CDH13: variants seen among roughly 807,000 people sequenced by gnomAD.
The protein encoded by CDH13 is cadherin-13.
In CDH13, 24 loss-of-function variants were observed where a neutral mutation model predicts 63.8. That is an observed-to-expected ratio of 0.38 (90% CI 0.27 to 0.53). The LOEUF (loss-of-function observed/expected upper bound fraction) is 0.53. Among genes scored for constraint, CDH13 ranks in the 20% least tolerant of loss-of-function variants. The pLI, the probability that CDH13 is intolerant of heterozygous loss-of-function variation, is 0.85. For synonymous variants in CDH13, 503 were observed against 355.3 expected (o/e 1.42, Z -4.67); for missense variants, 1,049 against 903.1 (o/e 1.16, Z -2.07).
At chr16:82,711,615 G>C (rs1597381297) in intron 1 of CDH13, among the ~76,000 whole-genome samples, 2 of 152,336 alleles carry the variant, frequency 1.3e-5, no homozygotes, top group South Asian at 4.1e-4. Context: ...GAGATCCAGA[G>C]ACATTGAGGG....
chr16:82,823,908 C>T (rs900784053), intron 1 of CDH13: 23 of 151,946 alleles, frequency 1.5e-4, no homozygotes, highest in African/African-American at 5.6e-4. Flanking sequence ...ACTAAAAAGC[C>T]CTAGAAACAG....
chr16:82,996,210 C>A (rs1912185238), intron 2 of CDH13, among the ~76,000 whole-genome samples: 1 of 151,838 alleles, frequency 6.6e-6, no homozygotes, highest in African/African-American at 2.4e-5. Flanking sequence ...CATTATGTTC[C>A]TTTCCTGTTG....
intron 1 of CDH13, chr16:82,704,930 C>A: frequency 6.1e-6 from 2 of 328,736 alleles, no homozygotes; most frequent in South Asian, 2.5e-5. Context: ...CAAATCAAGC[C>A]CGGGATATTG....
intron 1 of CDH13, among the ~76,000 whole-genome samples, chr16:82,762,061 T>C (rs971232865): frequency 1.3e-5 from 2 of 152,222 alleles, no homozygotes; most frequent in Admixed American, 1.3e-4. Context: ...AGCTGGAAAG[T>C]GAAACCACAA....
chr16:82,940,656 A>T (rs1295058732), intron 2 of CDH13, among the ~76,000 whole-genome samples: 3 of 152,160 alleles, frequency 2.0e-5, no homozygotes, highest in South Asian at 4.1e-4. Flanking sequence ...ATCAGCGTCT[A>T]CGTTTGTTTT....
intron 2 of CDH13, among the ~76,000 whole-genome samples, chr16:83,015,677 G>GTGTATATATATA (rs1280924836): frequency 2.1e-4 from 8 of 37,560 alleles, no homozygotes; most frequent in East Asian, 1.9e-3. Flanking sequence ...GTGTGTGTAT[G>GTGTATATATATA]TATATATATA....
At chr16:83,309,741 C>T (rs1433386909) in intron 5 of CDH13, among the ~76,000 whole-genome samples, 1 of 152,200 alleles carries the variant, frequency 6.6e-6, no homozygotes, top group Non-Finnish European at 1.5e-5. Flanking sequence ...GGTATGGAAG[C>T]ACTCATGAGG....
intron 3 of CDH13, among the ~76,000 whole-genome samples, chr16:83,060,512 A>G (rs1035079107): frequency 3.3e-5 from 5 of 151,982 alleles, no homozygotes; most frequent in African/African-American, 1.2e-4. Flanking sequence ...CCCTCCATTA[A>G]CTCATGTCAT....
At chr16:83,500,677 A>G (rs1263946458) in intron 7 of CDH13, among the ~76,000 whole-genome samples, 2 of 144,798 alleles carry the variant, frequency 1.4e-5, no homozygotes, top group East Asian at 4.1e-4. Context: ...GATTCAAGCA[A>G]TTCTCGCACC....
chr16:83,027,040 C>A lies in CDH13; in HGVS notation c.158-4970C>A, dbSNP rs142239074. 2.6e-5 allele frequency among the ~76,000 whole-genome samples: 4 copies of A among 151,592 alleles called. No individual in the cohort carries two copies. In the East Asian group the frequency reaches 7.8e-4, roughly 30 times the overall value. ...GTTCAATGAAATCAAGAGGTCACTA[C>A]GGGCCTCTTATCCCAATTCACAGCC... On this transcript the variant is annotated intron_variant, in intron 2 of 13. Coordinates refer to ENST00000567109, the MANE Select transcript of CDH13 (RefSeq NM_001257.5).
In CDH13 at chr16:83,307,191, G is replaced by A. The variant is rs184464559; in HGVS notation, c.637-37671G>A. On this transcript the variant is annotated intron_variant, in intron 5 of 13. Transcript: ENST00000567109. ...GTGGTAACGCCTGTTCCCTACCCCCGTGGCTGAGGAACACCAGCCCTGCCC... is the reference window on the plus strand; with the variant it reads ...GTGGTAACGCCTGTTCCCTACCCCCATGGCTGAGGAACACCAGCCCTGCCC... Among the ~76,000 whole-genome samples the A allele has an allele frequency of 4.4e-3, 677 of 152,280 alleles. 5 individuals carry two copies. The highest frequency in any genetic ancestry group is 0.015 in the African/African-American group (631 of 41,556).
intron 9 of CDH13, among the ~76,000 whole-genome samples, chr16:83,671,587 T>G (rs1268458018): frequency 6.6e-6 from 1 of 152,206 alleles, no homozygotes; most frequent in Non-Finnish European, 1.5e-5. Flanking sequence ...ATACATTTGC[T>G]AAGGAATTAT....
intron 6 of CDH13, among the ~76,000 whole-genome samples, chr16:83,431,747 T>G (rs955971636): frequency 2.0e-5 from 3 of 152,092 alleles, no homozygotes; most frequent in African/African-American, 7.2e-5. Context: ...CTCACTCTCA[T>G]GAGGATAGCA....
At chr16:83,582,517 GC>G (rs1022874584) in intron 7 of CDH13, among the ~76,000 whole-genome samples, 4 of 152,090 alleles carry the variant, frequency 2.6e-5, no homozygotes, top group African/African-American at 9.7e-5. Flanking sequence ...AGAAAGCAAA[GC>G]AGGCTTCCCA....
At chr16:83,355,911 G>C (rs1304025375) in intron 6 of CDH13, among the ~76,000 whole-genome samples, 1 of 152,154 alleles carries the variant, frequency 6.6e-6, no homozygotes, top group East Asian at 1.9e-4. Context: ...CTGGATACTG[G>C]TCCAGGTTCC....
At chr16:83,225,301 C>G (rs147517934) in intron 5 of CDH13, among the ~76,000 whole-genome samples, 6 of 152,176 alleles carry the variant, frequency 3.9e-5, no homozygotes, top group African/African-American at 1.4e-4. Flanking sequence ...ACATGTGCCT[C>G]AACTGTGCTT....
intron 8 of CDH13, among the ~76,000 whole-genome samples, chr16:83,656,717 G>A (rs1403953286): frequency 6.6e-6 from 1 of 152,182 alleles, no homozygotes; most frequent in Admixed American, 6.5e-5. Flanking sequence ...ACAGAGAATC[G>A]TGGTCTTTGC....
intron 4 of CDH13, among the ~76,000 whole-genome samples, chr16:83,153,583 T>A (rs917190372): frequency 6.6e-6 from 1 of 152,348 alleles, no homozygotes; most frequent in South Asian, 2.1e-4. Flanking sequence ...TGCCCAGGAA[T>A]GAACAGGGAC....
At chr16:83,010,037 A>T (rs1913960760) in intron 2 of CDH13, among the ~76,000 whole-genome samples, 1 of 150,302 alleles carries the variant, frequency 6.7e-6, no homozygotes, top group African/African-American at 2.5e-5. Context: ...CAGGAGGCTG[A>T]GGCAGGAGAA....
Sources: gnomAD v4.1 joint callset for allele counts (sites outside exome capture counted in the v4.1 genomes callset) on GRCh38, gnomAD v4.1.1 for gene constraint, MANE v1.5 for transcripts, NCBI Gene and HGNC (gene_info 2026-07-23, HGNC 2026-07-21) for gene names.